The following CSMD1 variants were observed in gnomAD, a reference collection of about 807,000 sequenced individuals.
The protein encoded by CSMD1 is CUB and sushi domain-containing protein 1.
Under a neutral mutation model 417.5 loss-of-function variants are expected in CSMD1, and 213 were observed. The ratio of observed to expected loss-of-function variants is 0.51; its 90% CI spans 0.46 to 0.57. The LOEUF (loss-of-function observed/expected upper bound fraction) is 0.57. CSMD1 is among the 20% of genes least tolerant of loss of function. The pLI is 0.00. For missense variants in CSMD1, 6,923 were observed against 4,529.7 expected (o/e 1.53, Z -15.17); for synonymous variants, 2,862 against 1,736.8 (o/e 1.65, Z -16.11).
chr8:4,681,674 C>A (rs573592433), intron 1 of CSMD1, among the ~76,000 whole-genome samples: 1 of 152,096 alleles, frequency 6.6e-6, no homozygotes, highest in African/African-American at 2.4e-5. Flanking sequence ...ATACATCCCC[C>A]CTTTTCCTCA....
At chr8:4,658,281 G>C (rs963893121) in intron 1 of CSMD1, among the ~76,000 whole-genome samples, 4 of 152,128 alleles carry the variant, frequency 2.6e-5, no homozygotes, top group South Asian at 2.1e-4. Flanking sequence ...AACTCAAAGA[G>C]ATCCATACTG....
intron 1 of CSMD1, among the ~76,000 whole-genome samples, chr8:4,935,135 A>G (rs1249199974): frequency 2.6e-5 from 4 of 152,196 alleles, no homozygotes; most frequent in African/African-American, 9.6e-5. Context: ...CACTTTCAAT[A>G]TGTGTATCAG....
intron 2 of CSMD1, among the ~76,000 whole-genome samples, chr8:4,567,744 A>C (rs1798684818): frequency 6.6e-6 from 1 of 152,132 alleles, no homozygotes; most frequent in African/African-American, 2.4e-5. Flanking sequence ...TGCTATCTAC[A>C]TTGCACTTAT....
At chr8:3,051,755 C>T (rs1331113659) in intron 50 of CSMD1, among the ~76,000 whole-genome samples, 3 of 152,074 alleles carry the variant, frequency 2.0e-5, no homozygotes, top group African/African-American at 7.2e-5. Flanking sequence ...TACATTATTT[C>T]CAATTTGAGT....
intron 1 of CSMD1, among the ~76,000 whole-genome samples, chr8:4,643,694 C>G (rs1803343962): frequency 6.6e-6 from 1 of 152,182 alleles, no homozygotes; most frequent in Non-Finnish European, 1.5e-5. Context: ...CAGATAAGCG[C>G]TGTTTGAAAC....
At chr8:4,258,258 A>C (rs1194655729) in intron 3 of CSMD1, among the ~76,000 whole-genome samples, 1 of 142,968 alleles carries the variant, frequency 7.0e-6, no homozygotes, top group Non-Finnish European at 1.5e-5. Flanking sequence ...TCCTATCTTA[A>C]AGGCCTGTCG....
Position 3,772,434 on chromosome 8 carries a change from T to TATATAC in CSMD1, c.819-18393_819-18392insGTATAT, listed in dbSNP as rs1563064282. Among the ~76,000 whole-genome samples the TATATAC allele has an allele frequency of 1.2e-3, 91 of 77,324 alleles. 18 individuals are homozygous for TATATAC. Among genetic ancestry groups the TATATAC allele is most frequent in the African/African-American group, 6.6e-3 (85 of 12,812 alleles). The allele number at this position is 77,324 out of a possible 152,430, so 50.7% of individuals were successfully genotyped here. On this transcript the variant is annotated intron_variant, in intron 5 of 69. Transcript: ENST00000635120. ...ATATTTATATATACACATATATACATACATTTATATATACACATATATATA... is the reference window on the plus strand; with the variant it reads ...ATATTTATATATACACATATATACATATATACACATTTATATATACACATATATATA...
At chr8:4,629,410 C>T (rs775750968) in intron 2 of CSMD1, among the ~76,000 whole-genome samples, 1 of 152,154 alleles carries the variant, frequency 6.6e-6, no homozygotes, top group Non-Finnish European at 1.5e-5. Flanking sequence ...CTTACTGGCA[C>T]AAATGTATTG....
intron 49 of CSMD1, among the ~76,000 whole-genome samples, chr8:3,083,603 A>G (rs1339041187): frequency 1.2e-5 from 1 of 86,226 alleles, no homozygotes; most frequent in African/African-American, 4.7e-5. Flanking sequence ...GACAGTTACC[A>G]TAATTTTTAT....
intron 25 of CSMD1, among the ~76,000 whole-genome samples, chr8:3,287,699 G>T (rs1008981482): frequency 3.3e-5 from 5 of 152,026 alleles, no homozygotes; most frequent in South Asian, 2.1e-4. Context: ...AAGGAGATTT[G>T]GGGCTGAGAC....
At chr8:3,477,209 T>G (rs1218298077) in intron 11 of CSMD1, among the ~76,000 whole-genome samples, 1 of 152,156 alleles carries the variant, frequency 6.6e-6, no homozygotes, top group African/African-American at 2.4e-5. Context: ...ACCTGCAATA[T>G]GAGATGCCTG....
chr8:3,200,633 C>G (rs1796944848), intron 32 of CSMD1, among the ~76,000 whole-genome samples: 1 of 151,658 alleles, frequency 6.6e-6, no homozygotes, highest in South Asian at 2.1e-4. Context: ...GTGGAAGAGT[C>G]TGTGTCAAGC....
intron 8 of CSMD1, among the ~76,000 whole-genome samples, chr8:3,609,654 GC>G (rs1801790724): frequency 6.6e-6 from 1 of 151,560 alleles, no homozygotes; most frequent in South Asian, 2.1e-4. Flanking sequence ...GGGCTACACT[GC>G]AAATGAGCTC....
intron 7 of CSMD1, among the ~76,000 whole-genome samples, chr8:3,635,677 G>A (rs1229459409): frequency 1.7e-4 from 26 of 150,674 alleles, no homozygotes; most frequent in Non-Finnish European, 3.4e-4. Context: ...TAGAGACGGG[G>A]ATTCACTGTG....
chr8:4,823,627 C>A (rs1799644517), intron 1 of CSMD1, among the ~76,000 whole-genome samples: 1 of 152,056 alleles, frequency 6.6e-6, no homozygotes, highest in Non-Finnish European at 1.5e-5. Flanking sequence ...CCCCCTACTA[C>A]ACATAGCCTT....
In CSMD1 at chr8:3,985,325, G is replaced by C. The variant is rs111367652; in HGVS notation, c.818+12578C>G. Among the ~76,000 whole-genome samples the C allele has an allele frequency of 4.7e-3, 719 of 152,262 alleles. 6 individuals are homozygous for C. Among genetic ancestry groups the C allele is most frequent in the African/African-American group, 0.016 (653 of 41,560 alleles). Reference sequence around the variant, plus strand: ...AATTATTTTTAAAGCAGGCATATATGTTTTCGTTTATTAGGGTTACAGATT... The same window carrying C: ...AATTATTTTTAAAGCAGGCATATATCTTTTCGTTTATTAGGGTTACAGATT... On this transcript the variant is annotated intron_variant, in intron 5 of 69. Coordinates refer to ENST00000635120, the MANE Select transcript of CSMD1 (RefSeq NM_033225.6).
intron 1 of CSMD1, among the ~76,000 whole-genome samples, chr8:4,842,711 C>G (rs1303209024): frequency 6.6e-6 from 1 of 152,152 alleles, no homozygotes; most frequent in African/African-American, 2.4e-5. Context: ...GAGCTAGATG[C>G]TACTAGAACA....
intron 26 of CSMD1, among the ~76,000 whole-genome samples, chr8:3,257,746 G>C (rs1034241091): frequency 1.3e-5 from 2 of 152,126 alleles, no homozygotes; most frequent in Non-Finnish European, 1.5e-5. Flanking sequence ...ACATTTCTGG[G>C]GCTGGAGCTG....
chr8:4,253,711 T>C (rs566249583), intron 3 of CSMD1, among the ~76,000 whole-genome samples: 24 of 151,990 alleles, frequency 1.6e-4, no homozygotes, highest in African/African-American at 5.1e-4. Context: ...AACTAAGTAA[T>C]GCTTAACTAC....
Sources: allele counts gnomAD v4.1 joint callset (sites outside exome capture counted in the v4.1 genomes callset), GRCh38; gene constraint gnomAD v4.1.1; transcripts MANE v1.5; gene names NCBI Gene and HGNC (gene_info 2026-07-23, HGNC 2026-07-21).